The following FMN2 variants were observed in gnomAD, a reference collection of about 807,000 sequenced individuals.
FMN2 encodes formin 2.
In FMN2, 51 loss-of-function variants were observed where a neutral mutation model predicts 142.3. The observed-to-expected ratio is 0.36, with a 90% CI of 0.29 to 0.45. FMN2 has a LOEUF of 0.45. Ranked by LOEUF, FMN2 falls within the 20% of genes least tolerant of loss-of-function variation. FMN2 has a pLI of 1.00. For missense variants in FMN2, 1,936 were observed against 2,122.8 expected (o/e 0.91, Z 1.73); for synonymous variants, 882 against 869.8 (o/e 1.01, Z -0.25).
chr1:240,346,845 C>T (rs1671925658), intron 13 of FMN2, among the ~76,000 whole-genome samples: 2 of 152,064 alleles, frequency 1.3e-5, no homozygotes. Flanking sequence ...CAAAAATAAG[C>T]ATCATTAAAG....
Position 240,418,471 on chromosome 1 carries a change from A to G in FMN2, c.4911-19590A>G, listed in dbSNP as rs1475220964. ...CAGCCTCCCAAAGTGCAGGGATTAC[A>G]GGCGTGAGCCACCACGCCCAGCCTA... On this transcript the variant is annotated intron_variant, in intron 15 of 17. Coordinates refer to ENST00000319653, the MANE Select transcript of FMN2 (RefSeq NM_020066.5). Among the ~76,000 whole-genome samples, 3 of 152,314 alleles carry G rather than the reference A, an allele frequency of 2.0e-5. No homozygotes were observed. In the East Asian group the frequency reaches 5.8e-4, roughly 29 times the overall value.
chr1:240,287,951 A>G (rs573851764), intron 7 of FMN2, among the ~76,000 whole-genome samples: 1 of 152,128 alleles, frequency 6.6e-6, no homozygotes, highest in Non-Finnish European at 1.5e-5. Context: ...GACATGACAT[A>G]TTATCTTTGT....
intron 7 of FMN2, among the ~76,000 whole-genome samples, chr1:240,280,645 T>G (rs1015792428): frequency 6.6e-6 from 1 of 152,182 alleles, no homozygotes; most frequent in African/African-American, 2.4e-5. Context: ...TTTGCAGTGC[T>G]GGTTTACGGA....
At chr1:240,242,566 G>A (rs1386121691) in intron 6 of FMN2, among the ~76,000 whole-genome samples, 1 of 152,178 alleles carries the variant, frequency 6.6e-6, no homozygotes, top group Non-Finnish European at 1.5e-5. Flanking sequence ...ACATCCAGAT[G>A]ATGTTACAAC....
chr1:240,092,747 T>C lies in FMN2; in HGVS notation c.638T>C (p.Leu213Pro). The change falls in exon 1 of 18, where the codon CTC becomes CCC. Residue 213 changes from leucine to proline, a missense_variant. This residue lies in a region of FMN2 where 751 missense variants were observed against 791.8 expected (regional missense o/e 0.95). Transcript: ENST00000319653. ...CTGCAGCAGCAGCAGCAGCAGCAGC[T>C]CCAGCTCCAGCTCCAGCAACAGCAG... ...IRLQQQQQQQLQLQLQQQQQQ... is the reference protein window; with the variant it reads ...IRLQQQQQQQPQLQLQQQQQQ... 6.2e-7 allele frequency: 1 copy of C among 1,610,648 alleles called. No individual in the cohort carries two copies. Among genetic ancestry groups the C allele is most frequent in the Non-Finnish European group, 8.5e-7 (1 of 1,178,978 alleles).
At chr1:240,461,440 G>A (rs57551449) in intron 16 of FMN2, among the ~76,000 whole-genome samples, 4 of 152,234 alleles carry the variant, frequency 2.6e-5, no homozygotes, top group Non-Finnish European at 4.4e-5. Flanking sequence ...GCCAGGTGCC[G>A]TGCTGGGCAT....
At chr1:240,238,403 T>A (rs1038055563) in intron 6 of FMN2, among the ~76,000 whole-genome samples, 1 of 152,198 alleles carries the variant, frequency 6.6e-6, no homozygotes, top group African/African-American at 2.4e-5. Context: ...TTAAAACTTA[T>A]TTGGTGAATA....
intron 7 of FMN2, among the ~76,000 whole-genome samples, chr1:240,285,822 C>T (rs1669570655): frequency 6.6e-6 from 1 of 152,084 alleles, no homozygotes; most frequent in Non-Finnish European, 1.5e-5. Flanking sequence ...AAGTGATGGG[C>T]AGAGAAGAAG....
Position 240,145,385 on chromosome 1 carries a change from A to G in FMN2, c.1782+22040A>G, listed in dbSNP as rs931532620. On this transcript the variant is annotated intron_variant, in intron 2 of 17. Coordinates refer to ENST00000319653, the MANE Select transcript of FMN2 (RefSeq NM_020066.5). ...TCCTCCCTCCTCCATCTCCGCTGCC[A>G]CTGCCCTTTATTTTTTAATTTTCAT... 3 of 536,060 alleles carry G rather than the reference A, an allele frequency of 5.6e-6. No homozygotes were observed. The African/African-American group carries it at 5.6e-5, about 10-fold the overall frequency. 33.2% of individuals were successfully genotyped at this position (536,060 alleles called of 1,614,324 possible). A position where few individuals can be genotyped will look rare whatever the true frequency, so the allele number is the denominator to read the frequency against.
intron 2 of FMN2, chr1:240,144,738 C>T (rs1228318791): frequency 2.3e-6 from 3 of 1,330,322 alleles, no homozygotes; most frequent in Non-Finnish European, 2.2e-6. Flanking sequence ...AGCATGTCCA[C>T]CTGCTCAATT....
chr1:240,462,968 A>C (rs1279644455), intron 16 of FMN2, among the ~76,000 whole-genome samples: 4 of 152,204 alleles, frequency 2.6e-5, no homozygotes, highest in Non-Finnish European at 4.4e-5. Flanking sequence ...GGAACAGATT[A>C]GCAGAGACAT....
rs575888374 is a variant in FMN2 at position 240,290,664 on chromosome 1, G to T, written c.4154-4158G>T. ...CTTGATCAAAGACACACAGCCATTT[G>T]GTATGAAAGCCTGAAAGATTACTAT... is the stretch of plus-strand genomic sequence containing the variant. On this transcript the variant is annotated intron_variant, in intron 7 of 17. Transcript: ENST00000319653. Among the ~76,000 whole-genome samples, 4 of 151,952 alleles carry T rather than the reference G, an allele frequency of 2.6e-5. No homozygotes were observed. The South Asian group carries it at 8.3e-4, about 32-fold the overall frequency.
At chr1:240,394,023 C>G (rs527242008) in intron 15 of FMN2, among the ~76,000 whole-genome samples, 1 of 152,136 alleles carries the variant, frequency 6.6e-6, no homozygotes, top group Non-Finnish European at 1.5e-5. Context: ...ATTTATATAG[C>G]AGGGAAGAAA....
intron 8 of FMN2, among the ~76,000 whole-genome samples, chr1:240,326,640 A>G (rs1671179806): frequency 6.6e-6 from 1 of 152,024 alleles, no homozygotes; most frequent in African/African-American, 2.4e-5. Flanking sequence ...AGCTAGATTG[A>G]GTGTATATTA....
chr1:240,257,921 C>G (rs772158605), intron 6 of FMN2, 24 bp from the exon 7 acceptor site: 1 of 1,599,290 alleles, frequency 6.3e-7, no homozygotes. Flanking sequence ...AACATTTTCC[C>G]CTTTTACTTT....
At chr1:240,307,268 A>AT (rs1670441661) in intron 8 of FMN2, among the ~76,000 whole-genome samples, 1 of 151,928 alleles carries the variant, frequency 6.6e-6, no homozygotes, top group Admixed American at 6.6e-5. Flanking sequence ...CCATTTCTCT[A>AT]TTTTTGGTTT....
chr1:240,325,257 C>T (rs1671124879), intron 8 of FMN2, among the ~76,000 whole-genome samples: 1 of 148,904 alleles, frequency 6.7e-6, no homozygotes, highest in Admixed American at 6.8e-5. Flanking sequence ...GTGGGAGGAC[C>T]TATTGAGCCC....
chr1:240,230,810 T>C lies in FMN2; in HGVS notation c.4065+19575T>C, dbSNP rs976272502. Among the ~76,000 whole-genome samples the C allele has an allele frequency of 2.3e-5, 3 of 131,932 alleles. 1 individual carries two copies. Among genetic ancestry groups the C allele is most frequent in the Non-Finnish European group, 4.8e-5 (3 of 62,996 alleles). 86.6% of individuals were successfully genotyped at this position (131,932 alleles called of 152,430 possible). A position where few individuals can be genotyped will look rare whatever the true frequency, so the allele number is the denominator to read the frequency against. On this transcript the variant is annotated intron_variant, in intron 6 of 17. Coordinates refer to ENST00000319653, the MANE Select transcript of FMN2 (RefSeq NM_020066.5). ...AAGCTTTTCATAATTAGGATGGAAT[T>C]TTGCCTGCTTTTTTCTAGTGCCAAC...
chr1:240,098,097 A>ATTTTTTTTTTTTTTTGTTTTTTTT (rs1661279287), intron 1 of FMN2, among the ~76,000 whole-genome samples: 1 of 98,690 alleles, frequency 1.0e-5, no homozygotes. Flanking sequence ...GTTATCTTGA[A>ATTTTTTTTTTTTTTTGTTTTTTTT]TTTTTTTTTT....
Sources: gnomAD v4.1 joint callset for allele counts (sites outside exome capture counted in the v4.1 genomes callset) on GRCh38, gnomAD v4.1.1 for gene constraint, gnomAD v4.1.1 regional missense constraint, MANE v1.5 for transcripts, NCBI Gene and HGNC (gene_info 2026-07-23, HGNC 2026-07-21) for gene names.